Variants in ABCC8 observed in about 807,000 individuals in gnomAD.
ABCC8 encodes ATP-binding cassette sub-family C member 8.
Under a neutral mutation model 188.0 loss-of-function variants are expected in ABCC8, and 137 were observed. That is an observed-to-expected ratio of 0.73 (90% CI 0.63 to 0.84). The LOEUF is 0.84. Ranked by LOEUF, ABCC8 falls within the 40% of genes least tolerant of loss-of-function variation. ABCC8 has a pLI of 0.00. For missense variants in ABCC8, 1,750 were observed against 2,072.7 expected (o/e 0.84, Z 3.02); for synonymous variants, 797 against 846.5 (o/e 0.94, Z 1.01).
At chr11:17,457,770 A>G (rs930916765) in intron 6 of ABCC8, among the ~76,000 whole-genome samples, 2 of 152,208 alleles carry the variant, frequency 1.3e-5, no homozygotes, top group African/African-American at 4.8e-5. Context: ...CCTTGCGGAT[A>G]CCAAGGATGA....
At chr11:17,407,521 G>T (rs1004133897) in intron 23 of ABCC8, 68 bp from the exon 24 acceptor site, 1 of 1,608,258 alleles carries the variant, frequency 6.2e-7, no homozygotes, top group South Asian at 1.1e-5. Context: ...GGGAAGTTAA[G>T]GGGTAACTAC....
At chr11:17,468,546 C>T (rs942385132) in intron 3 of ABCC8, among the ~76,000 whole-genome samples, 3 of 152,110 alleles carry the variant, frequency 2.0e-5, no homozygotes, top group Non-Finnish European at 2.9e-5. Context: ...TGCCCCTTGA[C>T]GAGCTAGACT....
At chr11:17,436,499 T>C (rs1198791430) in intron 10 of ABCC8, among the ~76,000 whole-genome samples, 1 of 152,152 alleles carries the variant, frequency 6.6e-6, no homozygotes, top group African/African-American at 2.4e-5. Flanking sequence ...TAGATTTCTG[T>C]CCAACTCAGG....
At chr11:17,435,912 C>A (rs1287127126) in intron 10 of ABCC8, 7 of 1,412,394 alleles carry the variant, frequency 5.0e-6, no homozygotes, top group Non-Finnish European at 7.0e-6. Flanking sequence ...CAGGGAGTAA[C>A]AGGGCCAACA....
intron 7 of ABCC8, among the ~76,000 whole-genome samples, chr11:17,450,340 CCTTT>C (rs1245216723): frequency 7.7e-4 from 89 of 115,576 alleles, no homozygotes; most frequent in Middle Eastern, 5.0e-3. Context: ...CTCTCTCTTT[CCTTT>C]CTTTCTTTCT....
chr11:17,461,281 G>A (rs1404453748), intron 5 of ABCC8: 6 of 480,208 alleles, frequency 1.2e-5, no homozygotes, highest in Non-Finnish European at 2.3e-5. Context: ...AAGAGCACAG[G>A]GATGTGAGAG....
chr11:17,475,161 G>T, intron 1 of ABCC8, 134 bp from the exon 2 acceptor site: 1 of 1,365,742 alleles, frequency 7.3e-7, no homozygotes, highest in Non-Finnish European at 1.0e-6. Flanking sequence ...CCCCAAGGCT[G>T]GTACACACAA....
At chr11:17,468,754 C>T (rs1848306098) in intron 3 of ABCC8, among the ~76,000 whole-genome samples, 1 of 152,158 alleles carries the variant, frequency 6.6e-6, no homozygotes, top group African/African-American at 2.4e-5. Context: ...AGGGTCCACA[C>T]TGGAAAATGG....
chr11:17,420,113 A>G (rs572439717), intron 16 of ABCC8, among the ~76,000 whole-genome samples: 4 of 152,338 alleles, frequency 2.6e-5, no homozygotes, highest in African/African-American at 7.2e-5. Context: ...ATAAATAAAA[A>G]GGGAAGAAGT....
At chr11:17,414,751 T>C in intron 18 of ABCC8, 141 bp from the exon 19 acceptor site, 1 of 1,464,104 alleles carries the variant, frequency 6.8e-7, no homozygotes. Context: ...TAGTGTGGCC[T>C]CTGGTGGCCT....
chr11:17,413,314 C>T (rs1954905102), intron 20 of ABCC8, 80 bp downstream of exon 20: 3 of 1,573,374 alleles, frequency 1.9e-6, no homozygotes, highest in African/African-American at 1.4e-5. Context: ...CCTAGTTACC[C>T]ATTGTCCTGA....
At chr11:17,471,744 G>GAC (rs375282742) in intron 2 of ABCC8, among the ~76,000 whole-genome samples, 2 of 152,068 alleles carry the variant, frequency 1.3e-5, no homozygotes, top group Non-Finnish European at 2.9e-5. Flanking sequence ...AAGATAGGCT[G>GAC]ACACACACAC....
chr11:17,470,345 G>A, intron 2 of ABCC8, 123 bp from the exon 3 acceptor site: 1 of 1,531,812 alleles, frequency 6.5e-7, no homozygotes, highest in Non-Finnish European at 8.8e-7. Flanking sequence ...TAGGCTGCAG[G>A]GCCCTTTAGT....
chr11:17,424,024 G>A (rs1445228378), intron 16 of ABCC8, among the ~76,000 whole-genome samples: 2 of 152,212 alleles, frequency 1.3e-5, no homozygotes, highest in African/African-American at 4.8e-5. Flanking sequence ...ATGATGAGGT[G>A]CCTGCACAGT....
At chr11:17,447,710 C>A (rs538243386) in intron 8 of ABCC8, among the ~76,000 whole-genome samples, 1 of 152,192 alleles carries the variant, frequency 6.6e-6, no homozygotes, top group Admixed American at 6.5e-5. Flanking sequence ...AGGTAATCTT[C>A]CCACCTCAGC....
At chr11:17,468,013 C>G (rs1848265531) in intron 3 of ABCC8, among the ~76,000 whole-genome samples, 3 of 151,878 alleles carry the variant, frequency 2.0e-5, no homozygotes, top group South Asian at 4.1e-4. Flanking sequence ...CAGCCAGGCC[C>G]TGGTTAATGA....
chr11:17,417,653 G>A (rs942848146), intron 16 of ABCC8, among the ~76,000 whole-genome samples: 5 of 152,032 alleles, frequency 3.3e-5, no homozygotes, highest in African/African-American at 9.7e-5. Flanking sequence ...ACATTTGGGG[G>A]AAAAAATCTG....
intron 2 of ABCC8, among the ~76,000 whole-genome samples, chr11:17,473,979 C>T (rs998836491): frequency 6.6e-6 from 1 of 152,226 alleles, no homozygotes; most frequent in South Asian, 2.1e-4. Flanking sequence ...AGCCCCTGCG[C>T]TGCTCCCTAG....
chr11:17,393,395 C>A (rs942205134), intron 38 of ABCC8, among the ~76,000 whole-genome samples: 1 of 152,236 alleles, frequency 6.6e-6, no homozygotes, highest in Non-Finnish European at 1.5e-5. Flanking sequence ...ACCCCTCCCC[C>A]ACTTCCTATG....
Sources: gnomAD v4.1 joint callset for allele counts (sites outside exome capture counted in the v4.1 genomes callset) on GRCh38, gnomAD v4.1.1 for gene constraint, MANE v1.5 for transcripts, NCBI Gene and HGNC (gene_info 2026-07-23, HGNC 2026-07-21) for gene names.